The following CYP7B1 variants were observed in gnomAD, a reference collection of about 807,000 sequenced individuals.
The protein encoded by CYP7B1 is cytochrome P450 family 7 subfamily B member 1.
CYP7B1 carries 29 observed loss-of-function variants against 42.7 expected under a neutral mutation model. That is an observed-to-expected ratio of 0.68 (90% CI 0.51 to 0.93). The LOEUF (loss-of-function observed/expected upper bound fraction) is 0.93, where lower values mean the gene tolerates loss of function less well. CYP7B1 is among the 40% of genes least tolerant of loss of function. The pLI, the probability that CYP7B1 is intolerant of heterozygous loss-of-function variation, is 0.00. For synonymous variants in CYP7B1, 235 were observed against 218.2 expected (o/e 1.08, Z -0.68); for missense variants, 655 against 600.5 (o/e 1.09, Z -0.95).
intron 1 of CYP7B1, among the ~76,000 whole-genome samples, chr8:64,704,942 TA>T (rs1436736805): frequency 6.6e-6 from 1 of 152,024 alleles, no homozygotes; most frequent in Non-Finnish European, 1.5e-5. Context: ...ATTAGGATCA[TA>T]AGGACCTTGC....
chr8:64,676,728 C>G (rs1387666423), intron 1 of CYP7B1, among the ~76,000 whole-genome samples: 4 of 152,028 alleles, frequency 2.6e-5, no homozygotes, highest in African/African-American at 9.7e-5. Context: ...ATTTCTCTTA[C>G]ACTCTTAATT....
At chr8:64,792,663 T>C (rs1191369244) in intron 1 of CYP7B1, among the ~76,000 whole-genome samples, 1 of 152,188 alleles carries the variant, frequency 6.6e-6, no homozygotes, top group African/African-American at 2.4e-5. Flanking sequence ...GGAGTGAATC[T>C]CTGTGACACA....
rs879613313 is a variant in CYP7B1 at position 64,621,910 on chromosome 8, A to AT, written c.259+2492dup. Among the ~76,000 whole-genome samples, 248 of 136,376 alleles carry AT rather than the reference A, an allele frequency of 1.8e-3. 1 individual carries two copies. Among genetic ancestry groups the AT allele is most frequent in the Admixed American group, 5.5e-3 (75 of 13,662 alleles). 89.5% of individuals were successfully genotyped at this position (136,376 alleles called of 152,430 possible). On this transcript the variant is annotated intron_variant, in intron 2 of 5. Transcript: ENST00000310193. Reference sequence around the variant, plus strand: ...GCCACCATGCCCAGCTAATTTTTGTATTTTTTTTTTTTTTAGTAGAGATGA... The same window carrying AT: ...GCCACCATGCCCAGCTAATTTTTGTATTTTTTTTTTTTTTTAGTAGAGATGA...
At chr8:64,677,237 A>G (rs1447164270) in intron 1 of CYP7B1, among the ~76,000 whole-genome samples, 1 of 152,028 alleles carries the variant, frequency 6.6e-6, no homozygotes, top group Non-Finnish European at 1.5e-5. Context: ...AAAATTCAGA[A>G]CAAAGCATTC....
intron 1 of CYP7B1, among the ~76,000 whole-genome samples, chr8:64,745,574 C>CA (rs1426024125): frequency 6.6e-6 from 1 of 152,124 alleles, no homozygotes; most frequent in African/African-American, 2.4e-5. Flanking sequence ...CTAATACTAA[C>CA]AGACCTGTGT....
intron 2 of CYP7B1, among the ~76,000 whole-genome samples, chr8:64,620,149 G>A (rs1156986473): frequency 2.0e-5 from 3 of 152,096 alleles, no homozygotes; most frequent in African/African-American, 7.2e-5. Flanking sequence ...TTATGCTACT[G>A]CACTCCAGCC....
At chr8:64,674,132 C>T (rs898625450) in intron 1 of CYP7B1, among the ~76,000 whole-genome samples, 1 of 151,988 alleles carries the variant, frequency 6.6e-6, no homozygotes, top group Admixed American at 6.6e-5. Flanking sequence ...ACCTAATTAA[C>T]TTTGTTAAAA....
chr8:64,788,384 G>T (rs1804563253), intron 1 of CYP7B1, among the ~76,000 whole-genome samples: 1 of 152,136 alleles, frequency 6.6e-6, no homozygotes, highest in African/African-American at 2.4e-5. Flanking sequence ...TCAACCAGGG[G>T]GCAATATCTG....
chr8:64,639,493 G>T (rs1212534409), intron 1 of CYP7B1, among the ~76,000 whole-genome samples: 1 of 151,912 alleles, frequency 6.6e-6, no homozygotes, highest in African/African-American at 2.4e-5. Flanking sequence ...ATAGACATAG[G>T]CACATGAAAA....
rs1805087243 is a variant in CYP7B1 at position 64,594,427 on chromosome 8, A to G, written c.*2215T>C. ...TCATAAGAAAATTAGGAAGAATATA[A>G]CTTACAGAAAATAGGTACTCAAGAT... On this transcript the variant is annotated 3_prime_UTR_variant, in exon 6 of 6. Coordinates refer to ENST00000310193, the MANE Select transcript of CYP7B1 (RefSeq NM_004820.5). Among the ~76,000 whole-genome samples, 1 of 152,184 alleles carries G rather than the reference A, an allele frequency of 6.6e-6. No individual in the cohort carries two copies. Among genetic ancestry groups the G allele is most frequent in the African/African-American group, 2.4e-5 (1 of 41,430 alleles).
chr8:64,678,093 T>C (rs1023956559), intron 1 of CYP7B1, among the ~76,000 whole-genome samples: 1 of 152,170 alleles, frequency 6.6e-6, no homozygotes, highest in Non-Finnish European at 1.5e-5. Context: ...AGCTCTGACC[T>C]GTACATCTTG....
intron 1 of CYP7B1, among the ~76,000 whole-genome samples, chr8:64,637,295 C>A (rs1339521840): frequency 6.6e-6 from 1 of 152,132 alleles, no homozygotes; most frequent in Non-Finnish European, 1.5e-5. Flanking sequence ...GCCTGAGGCC[C>A]CATATGCTAT....
At chr8:64,730,306 G>A (rs927376962) in intron 1 of CYP7B1, among the ~76,000 whole-genome samples, 1 of 151,944 alleles carries the variant, frequency 6.6e-6, no homozygotes, top group Non-Finnish European at 1.5e-5. Flanking sequence ...CTGACCTCAA[G>A]TGATCCACCC....
chr8:64,592,954 G>A lies in CYP7B1; in HGVS notation c.*3688C>T, dbSNP rs555598480. Among the ~76,000 whole-genome samples the A allele has an allele frequency of 3.7e-4, 56 of 152,020 alleles. No homozygotes were observed. Among genetic ancestry groups the A allele is most frequent in the African/African-American group, 1.3e-3 (53 of 41,472 alleles). The stretch of plus-strand genomic sequence containing the variant: ...CACAAGATTCTCAATGTTTTGTTTT[G>A]GTTCTACTATTCATTCCTTTTATGT... On this transcript the variant is annotated 3_prime_UTR_variant, in exon 6 of 6. Transcript: ENST00000310193.
intron 1 of CYP7B1, among the ~76,000 whole-genome samples, chr8:64,677,868 T>C (rs1806475522): frequency 6.6e-6 from 1 of 152,034 alleles, no homozygotes; most frequent in Admixed American, 6.6e-5. Context: ...GTTCTCATTG[T>C]TGTTATTATT....
At chr8:64,749,204 C>T (rs1397755504) in intron 1 of CYP7B1, among the ~76,000 whole-genome samples, 1 of 152,154 alleles carries the variant, frequency 6.6e-6, no homozygotes, top group East Asian at 1.9e-4. Flanking sequence ...CCTCAGCCTC[C>T]TGAGTAGCTG....
intron 1 of CYP7B1, among the ~76,000 whole-genome samples, chr8:64,791,832 T>C (rs1268046205): frequency 2.6e-5 from 4 of 152,218 alleles, no homozygotes; most frequent in South Asian, 2.1e-4. Flanking sequence ...AGTTGGGTAA[T>C]GGGCAAATGC....
intron 1 of CYP7B1, among the ~76,000 whole-genome samples, chr8:64,797,747 A>G (rs1804726538): frequency 6.6e-6 from 1 of 152,230 alleles, no homozygotes; most frequent in South Asian, 2.1e-4. Context: ...GATGAACACC[A>G]GAGCAGTATG....
chr8:64,587,430 G>T (rs1170329480), downstream of CYP7B1, among the ~76,000 whole-genome samples: 1 of 152,202 alleles, frequency 6.6e-6, no homozygotes, highest in Non-Finnish European at 1.5e-5. Flanking sequence ...GTCCTTCGAG[G>T]GTGGCTCGAG....
Sources: gnomAD v4.1 joint callset for allele counts (sites outside exome capture counted in the v4.1 genomes callset) on GRCh38, gnomAD v4.1.1 for gene constraint, MANE v1.5 for transcripts, NCBI Gene and HGNC (gene_info 2026-07-23, HGNC 2026-07-21) for gene names.